The following KYNU variants were observed in gnomAD, a reference collection of about 807,000 sequenced individuals.
The protein encoded by KYNU is L-kynurenine hydrolase.
A neutral mutation model predicts 59.2 loss-of-function variants in KYNU; 54 were observed. That is an observed-to-expected ratio of 0.91 (90% confidence interval 0.73 to 1.14). The LOEUF (loss-of-function observed/expected upper bound fraction) is 1.14, where lower values mean the gene tolerates loss of function less well. KYNU is among the 50% of genes most tolerant of loss of function. KYNU has a pLI of 0.00. For missense variants in KYNU, 567 were observed against 554.4 expected (o/e 1.02, Z -0.23); for synonymous variants, 177 against 192.0 (o/e 0.92, Z 0.65).
rs1370801777 is a variant in KYNU, at chr2:143,055,664, A to AAGGT, written c.*13495_*13496insTAGG. 1.1e-4 allele frequency: 16 copies of AAGGT among 152,160 alleles called. No homozygotes were observed. The highest frequency in any genetic ancestry group is 1.8e-4 in the Non-Finnish European group (12 of 68,016). The allele number at this position is 152,160 out of a possible 1,614,324, so 9.4% of individuals were successfully genotyped here. On this transcript the variant is annotated 3_prime_UTR_variant, in exon 14 of 14. Coordinates refer to ENST00000264170, the MANE Select transcript of KYNU (RefSeq NM_003937.3). ...GAAGGAAGGAAGGAAGGAAGGAAGG[A>AAGGT]AGGAAGGAAGGAAGGAAGGAAAGGG...
intron 4 of KYNU, among the ~76,000 whole-genome samples, chr2:142,938,756 A>T (rs1483078313): frequency 2.0e-5 from 3 of 149,834 alleles, no homozygotes; most frequent in African/African-American, 7.7e-5. Flanking sequence ...AAAATTTTTT[A>T]AAAAAAGAAA....
chr2:143,041,371 T>A (rs1558989420), intron 13 of KYNU, among the ~76,000 whole-genome samples: 4 of 152,074 alleles, frequency 2.6e-5, no homozygotes, highest in African/African-American at 7.2e-5. Context: ...CAAACTCTGC[T>A]GTCGTCAAAC....
At chr2:142,898,403 T>A (rs953831109) in intron 2 of KYNU, among the ~76,000 whole-genome samples, 2 of 152,020 alleles carry the variant, frequency 1.3e-5, no homozygotes, top group Non-Finnish European at 2.9e-5. Context: ...TGAGCTTTCA[T>A]TCTTAGCTAT....
intron 10 of KYNU, among the ~76,000 whole-genome samples, chr2:142,995,595 G>T (rs1393372219): frequency 6.6e-6 from 1 of 152,074 alleles, no homozygotes; most frequent in Non-Finnish European, 1.5e-5. Flanking sequence ...TAGCAATATT[G>T]TACCTGTTTA....
chr2:142,998,413 T>C (rs1204455054), intron 10 of KYNU, among the ~76,000 whole-genome samples: 1 of 152,246 alleles, frequency 6.6e-6, no homozygotes, highest in Non-Finnish European at 1.5e-5. Context: ...ACATTCCAAG[T>C]GATGGATCTT....
chr2:143,028,118 TTC>T (rs2104910886), intron 10 of KYNU, among the ~76,000 whole-genome samples: 1 of 152,158 alleles, frequency 6.6e-6, no homozygotes, highest in Admixed American at 6.5e-5. Context: ...AACATGATAT[TTC>T]TCTTTCTAAA....
At chr2:143,033,343 C>T (rs1352554538) in intron 12 of KYNU, 22 bp downstream of exon 12, 1 of 1,527,422 alleles carries the variant, frequency 6.5e-7, no homozygotes, top group South Asian at 1.1e-5. Flanking sequence ...GTGTTTCAAC[C>T]TTCCCACATC....
At chr2:142,958,730 C>A (rs1209481792) in intron 7 of KYNU, among the ~76,000 whole-genome samples, 1 of 152,128 alleles carries the variant, frequency 6.6e-6, no homozygotes, top group Non-Finnish European at 1.5e-5. Flanking sequence ...ATCTTGGGAC[C>A]ACTGTTGAGC....
At chr2:142,963,765 T>C (rs1283293121) in intron 8 of KYNU, among the ~76,000 whole-genome samples, 1 of 152,192 alleles carries the variant, frequency 6.6e-6, no homozygotes, top group Non-Finnish European at 1.5e-5. Flanking sequence ...TTTATATAAA[T>C]GCATTATTTT....
At chr2:142,997,474 A>T (rs1029151175) in intron 10 of KYNU, among the ~76,000 whole-genome samples, 1 of 152,118 alleles carries the variant, frequency 6.6e-6, no homozygotes, top group African/African-American at 2.4e-5. Context: ...ACATTTTTTA[A>T]AGCCAAGGAA....
chr2:142,935,191 C>T (rs1194177854), intron 4 of KYNU, among the ~76,000 whole-genome samples: 5 of 152,142 alleles, frequency 3.3e-5, no homozygotes, highest in African/African-American at 1.2e-4. Context: ...GATAGTGGTT[C>T]CTTTTCAGCT....
intron 8 of KYNU, 63 bp downstream of exon 8, chr2:142,960,833 A>G (rs1227038018): frequency 1.9e-5 from 28 of 1,476,416 alleles, no homozygotes; most frequent in Non-Finnish European, 2.5e-5. Context: ...AGAGTGTTCT[A>G]ATTGCATGAC....
chr2:142,937,279 G>A (rs930764218), intron 4 of KYNU, among the ~76,000 whole-genome samples: 5 of 151,960 alleles, frequency 3.3e-5, no homozygotes, highest in Non-Finnish European at 7.4e-5. Flanking sequence ...CAGGCCCCAG[G>A]AAGAATCTTA....
chr2:142,897,782 G>T (rs1172144835), intron 2 of KYNU, among the ~76,000 whole-genome samples: 1 of 152,072 alleles, frequency 6.6e-6, no homozygotes, highest in East Asian at 1.9e-4. Context: ...ATCTAAACAG[G>T]AGAGCATTCT....
Position 143,044,482 on chromosome 2 carries a change from C to T in KYNU, c.*2310C>T, listed in dbSNP as rs1393486719. On this transcript the variant is annotated 3_prime_UTR_variant, in exon 14 of 14. Coordinates refer to ENST00000264170, the MANE Select transcript of KYNU (RefSeq NM_003937.3). ...AAAAGCATTCCTATTTCTCCACATCCTCTCAGCATCTGTTGTTTCTTGACT... is the reference window on the plus strand; with the variant it reads ...AAAAGCATTCCTATTTCTCCACATCTTCTCAGCATCTGTTGTTTCTTGACT... 6.6e-6 allele frequency: 1 copy of T among 152,164 alleles called. No homozygotes were observed. Among genetic ancestry groups the T allele is most frequent in the African/African-American group, 2.4e-5 (1 of 41,426 alleles). The allele number at this position is 152,164 out of a possible 1,614,324, so 9.4% of individuals were successfully genotyped here. A position where few individuals can be genotyped will look rare whatever the true frequency, so the allele number is the denominator to read the frequency against.
At chr2:143,003,593 A>G (rs570278876) in intron 10 of KYNU, among the ~76,000 whole-genome samples, 70 of 152,230 alleles carry the variant, frequency 4.6e-4, no homozygotes, top group African/African-American at 1.7e-3. Context: ...AAACAAACAA[A>G]CAAACAAACA....
At chr2:142,925,267 G>T (rs1683014106) in intron 3 of KYNU, among the ~76,000 whole-genome samples, 1 of 152,184 alleles carries the variant, frequency 6.6e-6, no homozygotes, top group Admixed American at 6.5e-5. Context: ...GAGGCAAGCT[G>T]CAGGCTATCT....
At chr2:142,987,291 G>T (rs1685235715) in intron 10 of KYNU, among the ~76,000 whole-genome samples, 1 of 151,728 alleles carries the variant, frequency 6.6e-6, no homozygotes, top group African/African-American at 2.4e-5. Context: ...CCCAAAGGGT[G>T]AGCCAGTGCC....
chr2:143,035,386 T>C (rs992125115), intron 12 of KYNU, among the ~76,000 whole-genome samples: 3 of 152,270 alleles, frequency 2.0e-5, no homozygotes, highest in African/African-American at 7.2e-5. Flanking sequence ...TATCTTTAGT[T>C]AATCAAGCCT....
Sources: allele counts gnomAD v4.1 joint callset (sites outside exome capture counted in the v4.1 genomes callset), GRCh38; gene constraint gnomAD v4.1.1; transcripts MANE v1.5; gene names NCBI Gene and HGNC (gene_info 2026-07-23, HGNC 2026-07-21).